The following TMC2 variants were observed in gnomAD, a reference collection of about 807,000 sequenced individuals.
TMC2 encodes transmembrane channel-like protein 2.
Under a neutral mutation model 105.9 loss-of-function variants are expected in TMC2, and 102 were observed. The observed-to-expected ratio is 0.96, with a 90% CI of 0.82 to 1.14. The LOEUF (loss-of-function observed/expected upper bound fraction) is 1.14. TMC2 is among the 50% of genes most tolerant of loss of function. The pLI is 0.00. For synonymous variants in TMC2, 402 were observed against 422.8 expected, an observed-to-expected ratio of 0.95 and a Z score of 0.60; for missense variants, 1,093 against 1,134.3, an observed-to-expected ratio of 0.96 and a Z score of 0.52.
chr20:2,542,173 A>G (rs1402599417), intron 2 of TMC2, among the ~76,000 whole-genome samples: 1 of 152,186 alleles, frequency 6.6e-6, no homozygotes, highest in African/African-American at 2.4e-5. Flanking sequence ...TGAATTACAT[A>G]TGTACAAATG....
At chr20:2,615,930 G>C (rs1011422859) in intron 14 of TMC2, among the ~76,000 whole-genome samples, 1 of 152,158 alleles carries the variant, frequency 6.6e-6, no homozygotes, top group East Asian at 1.9e-4. Flanking sequence ...TTTCAGCTTT[G>C]AGAATGTCAA....
At chr20:2,545,368 G>A (rs777027837) in intron 2 of TMC2, among the ~76,000 whole-genome samples, 3 of 152,108 alleles carry the variant, frequency 2.0e-5, no homozygotes, top group African/African-American at 4.8e-5. Flanking sequence ...TCAATGAAAC[G>A]ATCTACTGAC....
chr20:2,617,087 T>C lies in TMC2; in HGVS notation c.1956T>C (p.Tyr652=). 6.2e-7 allele frequency: 1 copy of C among 1,614,242 alleles called. No homozygotes were observed. The highest frequency in any genetic ancestry group is 8.5e-7 in the Non-Finnish European group (1 of 1,180,042). The change falls in exon 16 of 20, where the codon TAT becomes TAC. Residue 652 remains tyrosine (Y), a synonymous_variant. Transcript: ENST00000358864. ...NQGMIWMGSF[Y]APGLVGINVL... is the part of the protein sequence containing the mutation. ...GCCATTCCAGGATGGGCTCCTTCTA[T>C]GCTCCAGGCCTGGTGGGCATTAATG... is the stretch of plus-strand genomic sequence containing the variant.
intron 11 of TMC2, among the ~76,000 whole-genome samples, chr20:2,603,817 C>A (rs1394397977): frequency 1.3e-5 from 2 of 152,124 alleles, no homozygotes; most frequent in African/African-American, 2.4e-5. Flanking sequence ...TGTTCCTGTG[C>A]TCTAGTTCCA....
intron 16 of TMC2, chr20:2,617,772 G>A (rs901211395): frequency 1.8e-5 from 3 of 164,510 alleles, no homozygotes; most frequent in Non-Finnish European, 4.0e-5. Flanking sequence ...GTGCAGTGGT[G>A]CCATCTCAGC....
At chr20:2,631,084 T>C (rs1568531038) in intron 17 of TMC2, among the ~76,000 whole-genome samples, 2 of 152,142 alleles carry the variant, frequency 1.3e-5, no homozygotes, top group Non-Finnish European at 2.9e-5. Flanking sequence ...TTTCTCTAAC[T>C]ATATTTTGTT....
At chr20:2,599,540 T>TTTTC (rs1491496495) in intron 10 of TMC2, among the ~76,000 whole-genome samples, 2,377 of 50,382 alleles carry the variant, frequency 0.047, 74 homozygotes, top group African/African-American at 0.13. Context: ...TTTAATTACA[T>TTTTC]TTTTTTTTTT....
At position 2,592,771 on chromosome 20, in the gene TMC2, T is replaced by C. The variant is rs2086278552; in HGVS notation, c.933+363T>C. The stretch of plus-strand genomic sequence containing the variant: ...CCAAGTTTCACATGACATCTTCAAC[T>C]GAATGTCCTACTTGCTCTTCAAATG... On this transcript the variant is annotated intron_variant, in intron 8 of 19. Transcript: ENST00000358864. This position sits in a 1 kb window ranked among gnomAD's most constrained non-coding sequence, Gnocchi z 4.9. Among the ~76,000 whole-genome samples the C allele has an allele frequency of 6.6e-6, 1 of 152,184 alleles. No individual in the cohort carries two copies. Among genetic ancestry groups the C allele is most frequent in the African/African-American group, 2.4e-5 (1 of 41,434 alleles).
At chr20:2,537,205 G>C (rs2085855504) in intron 1 of TMC2, 64 bp from the exon 2 acceptor site, 4 of 1,457,192 alleles carry the variant, frequency 2.7e-6, no homozygotes, top group African/African-American at 2.8e-5. Flanking sequence ...ACAGTGACCG[G>C]GGGTCTGCAG....
intron 6 of TMC2, 79 bp from the exon 7 acceptor site, chr20:2,579,871 C>T: frequency 1.2e-6 from 1 of 800,602 alleles, no homozygotes; most frequent in Non-Finnish European, 2.1e-6. Flanking sequence ...AAATTGAATC[C>T]ACCACACACA....
At chr20:2,589,959 G>A (rs142464510) in intron 7 of TMC2, among the ~76,000 whole-genome samples, 68 of 152,298 alleles carry the variant, frequency 4.5e-4, no homozygotes, top group South Asian at 4.1e-3. Context: ...ATGAGCCACC[G>A]CGCATGGCCG....
intron 4 of TMC2, among the ~76,000 whole-genome samples, 197 bp downstream of exon 4, chr20:2,562,207 C>T (rs2122835783): frequency 6.6e-6 from 1 of 152,376 alleles, no homozygotes; most frequent in South Asian, 2.1e-4. Flanking sequence ...GAGGGGGAGC[C>T]ATGGAAGACT....
chr20:2,589,883 A>G (rs2086257448), intron 7 of TMC2, among the ~76,000 whole-genome samples: 1 of 152,104 alleles, frequency 6.6e-6, no homozygotes, highest in African/African-American at 2.4e-5. Context: ...GTTAGCCAGG[A>G]TGGTCTCGAT....
At chr20:2,545,252 T>C (rs1490239410) in intron 2 of TMC2, among the ~76,000 whole-genome samples, 1 of 151,992 alleles carries the variant, frequency 6.6e-6, no homozygotes, top group Non-Finnish European at 1.5e-5. Context: ...CATACATACA[T>C]AAAGTATGAA....
intron 7 of TMC2, among the ~76,000 whole-genome samples, chr20:2,590,306 T>G (rs139251708): frequency 6.6e-6 from 1 of 152,264 alleles, no homozygotes; most frequent in African/African-American, 2.4e-5. Flanking sequence ...GCAAGAGGGA[T>G]ATAATTCAGG....
intron 16 of TMC2, among the ~76,000 whole-genome samples, chr20:2,619,510 C>G (rs774124162): frequency 1.3e-5 from 2 of 152,086 alleles, no homozygotes; most frequent in African/African-American, 2.4e-5. Flanking sequence ...ACTCATGTCC[C>G]GCACAAACAC....
chr20:2,548,159 T>C (rs1452923329), intron 2 of TMC2, among the ~76,000 whole-genome samples: 1 of 152,202 alleles, frequency 6.6e-6, no homozygotes, highest in Non-Finnish European at 1.5e-5. Flanking sequence ...AGCTCCTGAA[T>C]GTACACAACA....
At chr20:2,541,322 C>T (rs561574796) in intron 2 of TMC2, among the ~76,000 whole-genome samples, 1 of 152,172 alleles carries the variant, frequency 6.6e-6, no homozygotes, top group South Asian at 2.1e-4. Flanking sequence ...TGGGTTGACT[C>T]CTACAGGTGG....
chr20:2,598,497 C>T (rs2086325949), intron 10 of TMC2, among the ~76,000 whole-genome samples: 1 of 151,996 alleles, frequency 6.6e-6, no homozygotes, highest in East Asian at 1.9e-4. Flanking sequence ...TCACTGCAAC[C>T]TCCGGCTCCT....
Sources: allele counts gnomAD v4.1 joint callset (sites outside exome capture counted in the v4.1 genomes callset), GRCh38; gene constraint gnomAD v4.1.1; non-coding constraint Gnocchi (gnomAD v3.1); transcripts MANE v1.5; gene names NCBI Gene and HGNC (gene_info 2026-07-23, HGNC 2026-07-21).